DISC1: variants seen among roughly 807,000 people sequenced by gnomAD.
DISC1 encodes the protein DISC1 scaffold protein, also known as disrupted in schizophrenia 1 protein.
In DISC1, 57 loss-of-function variants were observed where a neutral mutation model predicts 84.5. That is an observed-to-expected ratio of 0.67 (90% CI 0.55 to 0.84). The LOEUF is 0.84. Ranked by LOEUF, DISC1 falls within the 40% of genes least tolerant of loss-of-function variation. The probability of loss-of-function intolerance (pLI) is 0.00; values close to 1 mark genes in which losing one functional copy is unlikely to be tolerated. For synonymous variants in DISC1, 411 were observed against 415.2 expected (o/e 0.99, Z 0.12); for missense variants, 1,000 against 1,057.8 (o/e 0.95, Z 0.76).
At chr1:231,899,639 A>G (rs1210086599) in intron 9 of DISC1, among the ~76,000 whole-genome samples, 1 of 152,208 alleles carries the variant, frequency 6.6e-6, no homozygotes, top group Non-Finnish European at 1.5e-5. Flanking sequence ...ATTTCTTTAT[A>G]CATATATTTT....
At chr1:231,772,014 A>G (rs531616800) in intron 6 of DISC1, among the ~76,000 whole-genome samples, 1 of 149,130 alleles carries the variant, frequency 6.7e-6, no homozygotes, top group African/African-American at 2.5e-5. Context: ...GTGTCTCTCT[A>G]TGTTGCCCAT....
intron 10 of DISC1, among the ~76,000 whole-genome samples, chr1:231,962,289 A>G (rs958745984): frequency 6.6e-6 from 1 of 152,140 alleles, no homozygotes; most frequent in Non-Finnish European, 1.5e-5. Flanking sequence ...GACCTTTGTT[A>G]GATGCATAGT....
chr1:231,882,799 G>A (rs1332487054), intron 9 of DISC1, among the ~76,000 whole-genome samples: 1 of 152,018 alleles, frequency 6.6e-6, no homozygotes, highest in Non-Finnish European at 1.5e-5. Flanking sequence ...CCTTATCTAG[G>A]TGTGAACGTG....
chr1:231,651,682 C>T (rs1401226223), intron 1 of DISC1, among the ~76,000 whole-genome samples: 2 of 152,256 alleles, frequency 1.3e-5, no homozygotes, highest in Non-Finnish European at 2.9e-5. Context: ...CAGCTATGCC[C>T]TGCCCCTAGA....
chr1:231,691,444 A>C (rs2065002289), intron 1 of DISC1, among the ~76,000 whole-genome samples: 1 of 151,924 alleles, frequency 6.6e-6, no homozygotes. Context: ...AAAAAACAGA[A>C]AGAATAAAGA....
chr1:231,994,199 G>T (rs1255423835), intron 10 of DISC1, among the ~76,000 whole-genome samples: 2 of 152,226 alleles, frequency 1.3e-5, no homozygotes, highest in African/African-American at 2.4e-5. Context: ...AGGGCTGAAC[G>T]TGCACAATGG....
chr1:231,820,636 A>G (rs1204206803), intron 9 of DISC1, among the ~76,000 whole-genome samples: 2 of 152,202 alleles, frequency 1.3e-5, no homozygotes, highest in Non-Finnish European at 2.9e-5. Context: ...GCCCCACAAC[A>G]TGTGCCATTC....
At chr1:231,845,651 G>A (rs986321510) in intron 9 of DISC1, among the ~76,000 whole-genome samples, 2 of 152,138 alleles carry the variant, frequency 1.3e-5, no homozygotes, top group African/African-American at 2.4e-5. Context: ...GAGGAGAAAG[G>A]CAACTGGGTT....
intron 8 of DISC1, 101 bp downstream of exon 8, chr1:231,800,311 G>A: frequency 1.1e-6 from 1 of 944,674 alleles, no homozygotes. Flanking sequence ...CTGTTATTAT[G>A]TCATTCTCAG....
At chr1:231,809,038 A>C (rs925120650) in intron 8 of DISC1, among the ~76,000 whole-genome samples, 2 of 152,176 alleles carry the variant, frequency 1.3e-5, no homozygotes, top group Admixed American at 6.5e-5. Context: ...GTGTATAGGG[A>C]GTAGGGTCTG....
rs1573681445 is a variant in DISC1, at chr1:231,771,917, G to C, written c.1634+847G>C. Reference sequence around the variant, plus strand: ...TTCCTGGGTTTAAGTGATCCTTTCTGCCTCAGCATCTGGAGTAGCTGGAAT... The same window carrying C: ...TTCCTGGGTTTAAGTGATCCTTTCTCCCTCAGCATCTGGAGTAGCTGGAAT... On this transcript the variant is annotated intron_variant, in intron 6 of 12. Transcript: ENST00000439617. Among the ~76,000 whole-genome samples, 3 of 151,674 alleles carry C rather than the reference G, an allele frequency of 2.0e-5. No homozygotes were observed. In the South Asian group the frequency reaches 6.3e-4, roughly 32 times the overall value.
At chr1:231,902,633 C>T (rs570204520) in intron 9 of DISC1, among the ~76,000 whole-genome samples, 132 of 152,088 alleles carry the variant, frequency 8.7e-4, no homozygotes, top group Non-Finnish European at 1.5e-3. Context: ...TCTTAGTGTC[C>T]TGGGGCTGCC....
intron 10 of DISC1, among the ~76,000 whole-genome samples, chr1:231,962,265 G>C (rs1244368210): frequency 6.6e-6 from 1 of 152,088 alleles, no homozygotes; most frequent in East Asian, 1.9e-4. Context: ...GTTCCTTATG[G>C]ATTCTGGATA....
intron 1 of DISC1, among the ~76,000 whole-genome samples, chr1:231,659,978 T>C (rs2061437784): frequency 6.6e-6 from 1 of 152,240 alleles, no homozygotes; most frequent in African/African-American, 2.4e-5. Flanking sequence ...TCTGTAGATA[T>C]CTATCAGATC....
chr1:231,802,116 G>T (rs925947226), intron 8 of DISC1, among the ~76,000 whole-genome samples: 1 of 151,996 alleles, frequency 6.6e-6, no homozygotes, highest in Non-Finnish European at 1.5e-5. Flanking sequence ...GGGGTCTTTT[G>T]TCTCTCTTCA....
At chr1:231,963,633 T>G (rs1305572924) in intron 10 of DISC1, among the ~76,000 whole-genome samples, 1 of 152,150 alleles carries the variant, frequency 6.6e-6, no homozygotes, top group Non-Finnish European at 1.5e-5. Flanking sequence ...TTGCAATGAT[T>G]TATTCTCACT....
intron 9 of DISC1, among the ~76,000 whole-genome samples, chr1:231,834,730 G>C (rs1035312182): frequency 2.0e-5 from 3 of 152,090 alleles, no homozygotes; most frequent in African/African-American, 7.2e-5. Context: ...CCAGAGAAAA[G>C]AGAGAGTAGA....
At chr1:231,803,845 G>A (rs1039001726) in intron 8 of DISC1, among the ~76,000 whole-genome samples, 3 of 151,766 alleles carry the variant, frequency 2.0e-5, no homozygotes, top group Admixed American at 1.3e-4. Flanking sequence ...CTACTCGGGA[G>A]GCGGAGGCAG....
intron 10 of DISC1, among the ~76,000 whole-genome samples, chr1:232,002,765 C>G (rs983499048): frequency 6.6e-6 from 1 of 151,966 alleles, no homozygotes; most frequent in Non-Finnish European, 1.5e-5. Context: ...AGGCATGGGA[C>G]GTAGGCAGGT....
Sources: gnomAD v4.1 joint callset for allele counts (sites outside exome capture counted in the v4.1 genomes callset) on GRCh38, gnomAD v4.1.1 for gene constraint, MANE v1.5 for transcripts, NCBI Gene and HGNC (gene_info 2026-07-23, HGNC 2026-07-21) for gene names.